The following TAFA2 variants were observed in gnomAD, a reference collection of about 807,000 sequenced individuals.
The protein encoded by TAFA2 is chemokine-like protein TAFA-2.
In TAFA2, 7 loss-of-function variants were observed where a neutral mutation model predicts 18.8. The observed-to-expected ratio is 0.37, with a 90% confidence interval of 0.21 to 0.70. The LOEUF (loss-of-function observed/expected upper bound fraction) is 0.70, where lower values mean the gene tolerates loss of function less well. TAFA2 is among the 30% of genes least tolerant of loss of function. The pLI is 0.53. For missense variants in TAFA2, 122 were observed against 158.1 expected (o/e 0.77, Z 1.23); for synonymous variants, 60 against 54.2 (o/e 1.11, Z -0.47).
chr12:62,257,757 C>G (rs543322622), intron 1 of TAFA2, among the ~76,000 whole-genome samples: 71 of 152,108 alleles, frequency 4.7e-4, no homozygotes, highest in Non-Finnish European at 9.4e-4. Context: ...GACATTCATT[C>G]TAAATAAGCA....
chr12:61,759,763 T>C (rs191339383), intron 2 of TAFA2, among the ~76,000 whole-genome samples: 30 of 152,084 alleles, frequency 2.0e-4, no homozygotes, highest in African/African-American at 7.2e-4. Flanking sequence ...TTTGAGTCAA[T>C]GCAGAGTCAA....
intron 1 of TAFA2, among the ~76,000 whole-genome samples, chr12:62,024,606 A>G (rs750290425): frequency 3.3e-5 from 5 of 152,304 alleles, no homozygotes; most frequent in Non-Finnish European, 7.3e-5. Context: ...ATAAAAATTG[A>G]CAAGTCAATG....
Position 62,144,299 on chromosome 12 carries a change from T to C in TAFA2, c.-2+46960A>G, listed in dbSNP as rs112977770. On this transcript the variant is annotated intron_variant, in intron 1 of 4. Transcript: ENST00000416284. ...GCTAGGTTAGTGTTGAATATCACTA[T>C]TGAAAAGCAGAAAGTGGCCTGCCTC... 4.5e-3 allele frequency among the ~76,000 whole-genome samples: 678 copies of C among 152,212 alleles called. 6 individuals carry two copies. Among genetic ancestry groups the C allele is most frequent in the African/African-American group, 0.015 (626 of 41,542 alleles).
At chr12:61,948,642 T>A (rs921769647) in intron 1 of TAFA2, among the ~76,000 whole-genome samples, 1 of 152,160 alleles carries the variant, frequency 6.6e-6, no homozygotes, top group African/African-American at 2.4e-5. Flanking sequence ...GACACAAATG[T>A]CAGGATACTG....
chr12:62,099,658 G>A (rs1225576909), intron 1 of TAFA2, among the ~76,000 whole-genome samples: 1 of 152,122 alleles, frequency 6.6e-6, no homozygotes, highest in Non-Finnish European at 1.5e-5. Context: ...AATAAATTTT[G>A]CCAAGCATAT....
intron 2 of TAFA2, among the ~76,000 whole-genome samples, chr12:61,791,336 A>C (rs1870970337): frequency 6.6e-6 from 1 of 151,876 alleles, no homozygotes. Flanking sequence ...CAGGCAACAA[A>C]AGCAAAAACA....
chr12:61,872,976 T>G (rs1440937028), intron 1 of TAFA2, among the ~76,000 whole-genome samples: 1 of 152,210 alleles, frequency 6.6e-6, no homozygotes, highest in Non-Finnish European at 1.5e-5. Flanking sequence ...TTTCTCCTTC[T>G]TCCCATTAAA....
chr12:62,255,411 T>A (rs2062933461), intron 1 of TAFA2: 1 of 152,252 alleles, frequency 6.6e-6, no homozygotes, highest in African/African-American at 2.4e-5. Flanking sequence ...TTGAATGGGA[T>A]AAATTAACAC....
intron 2 of TAFA2, among the ~76,000 whole-genome samples, chr12:61,834,064 G>A (rs988267803): frequency 1.3e-4 from 19 of 151,952 alleles, no homozygotes; most frequent in African/African-American, 2.2e-4. Context: ...CAAGATCCAT[G>A]ACAATAGTAG....
chr12:61,974,289 T>G (rs1879355653), intron 1 of TAFA2, among the ~76,000 whole-genome samples: 1 of 151,760 alleles, frequency 6.6e-6, no homozygotes, highest in Non-Finnish European at 1.5e-5. Flanking sequence ...TTCCAAATAC[T>G]CAAAATATGT....
At chr12:62,169,378 C>G (rs2062461542) in intron 1 of TAFA2, among the ~76,000 whole-genome samples, 1 of 152,176 alleles carries the variant, frequency 6.6e-6, no homozygotes, top group African/African-American at 2.4e-5. Context: ...AGCACCCCTA[C>G]AGATAACTGG....
intron 1 of TAFA2, among the ~76,000 whole-genome samples, chr12:62,147,949 C>T (rs1419004062): frequency 2.0e-5 from 3 of 151,984 alleles, no homozygotes; most frequent in Admixed American, 6.6e-5. Flanking sequence ...GATCAACGAA[C>T]ATATGGAAAA....
At chr12:61,717,844 T>C (rs1869729617) in intron 4 of TAFA2, among the ~76,000 whole-genome samples, 1 of 152,146 alleles carries the variant, frequency 6.6e-6, no homozygotes, top group Non-Finnish European at 1.5e-5. Context: ...CTGCTGGTTC[T>C]AGAACTCTGG....
intron 1 of TAFA2, among the ~76,000 whole-genome samples, chr12:62,069,369 T>G (rs1439717249): frequency 1.3e-5 from 2 of 152,180 alleles, no homozygotes; most frequent in Non-Finnish European, 2.9e-5. Flanking sequence ...GGATGGCATC[T>G]AATCCTCTGC....
intron 1 of TAFA2, among the ~76,000 whole-genome samples, chr12:62,182,588 G>A (rs2062559564): frequency 6.6e-6 from 1 of 152,144 alleles, no homozygotes; most frequent in South Asian, 2.1e-4. Flanking sequence ...AATTTCCCTG[G>A]TAATTTGTGT....
intron 1 of TAFA2, among the ~76,000 whole-genome samples, chr12:62,149,978 C>T (rs1427443660): frequency 2.0e-5 from 3 of 152,138 alleles, no homozygotes; most frequent in Non-Finnish European, 4.4e-5. Context: ...CTTCTCTTTC[C>T]TATTTTTGAA....
intron 1 of TAFA2, among the ~76,000 whole-genome samples, chr12:62,074,475 A>G (rs999814361): frequency 1.3e-5 from 2 of 152,202 alleles, no homozygotes; most frequent in Non-Finnish European, 2.9e-5. Context: ...AAGTGGTGAT[A>G]AGTTTATTAA....
At chr12:61,808,914 T>C (rs1453392098) in intron 2 of TAFA2, among the ~76,000 whole-genome samples, 2 of 151,648 alleles carry the variant, frequency 1.3e-5, no homozygotes, top group Non-Finnish European at 2.9e-5. Flanking sequence ...ATTAAATGTA[T>C]TATCTATTAC....
At chr12:62,104,206 C>A (rs532899652) in intron 1 of TAFA2, among the ~76,000 whole-genome samples, 2 of 151,624 alleles carry the variant, frequency 1.3e-5, no homozygotes, top group Non-Finnish European at 2.9e-5. Context: ...AAGTGACAAA[C>A]GTGCCATTTA....
Sources: gnomAD v4.1 joint callset for allele counts (sites outside exome capture counted in the v4.1 genomes callset) on GRCh38, gnomAD v4.1.1 for gene constraint, MANE v1.5 for transcripts, NCBI Gene and HGNC (gene_info 2026-07-23, HGNC 2026-07-21) for gene names.